GALNTL6: variants seen among roughly 807,000 people sequenced by gnomAD.
GALNTL6 encodes the protein polypeptide N-acetylgalactosaminyltransferase-like 6.
Under a neutral mutation model 73.7 loss-of-function variants are expected in GALNTL6, and 46 were observed. The ratio of observed to expected loss-of-function variants is 0.62; its 90% CI spans 0.49 to 0.80. The LOEUF is 0.80. Among genes scored for constraint, GALNTL6 ranks in the 30% least tolerant of loss-of-function variants. The pLI is 0.00. For missense variants in GALNTL6, 604 were observed against 755.0 expected, an observed-to-expected ratio of 0.80 and a Z score of 2.34; for synonymous variants, 259 against 263.7, an observed-to-expected ratio of 0.98 and a Z score of 0.17.
At chr4:171,968,494 G>C (rs1235859074) in intron 2 of GALNTL6, among the ~76,000 whole-genome samples, 4 of 152,046 alleles carry the variant, frequency 2.6e-5, no homozygotes, top group Admixed American at 2.0e-4. Flanking sequence ...TTCCTGTAAG[G>C]CTACTTCCAT....
At chr4:172,557,562 C>A (rs565889903) in intron 5 of GALNTL6, among the ~76,000 whole-genome samples, 1 of 152,178 alleles carries the variant, frequency 6.6e-6, no homozygotes, top group East Asian at 1.9e-4. Flanking sequence ...GGGCAAAATA[C>A]CTGAATAATG....
intron 2 of GALNTL6, among the ~76,000 whole-genome samples, chr4:172,031,005 T>C (rs28417653): frequency 0.44 from 66,762 of 151,816 alleles, 15,171 homozygotes; most frequent in Admixed American, 0.54. Flanking sequence ...TATGCCCTCT[T>C]CCTACCCCAT....
At chr4:172,524,765 A>C (rs1734897326) in intron 5 of GALNTL6, among the ~76,000 whole-genome samples, 1 of 152,188 alleles carries the variant, frequency 6.6e-6, no homozygotes, top group Non-Finnish European at 1.5e-5. Context: ...GGTGACAACC[A>C]AAAAATAAAG....
intron 9 of GALNTL6, among the ~76,000 whole-genome samples, chr4:172,932,461 C>G (rs1748397924): frequency 6.6e-6 from 1 of 152,056 alleles, no homozygotes; most frequent in Non-Finnish European, 1.5e-5. Context: ...TGAGAGTATT[C>G]ATCAACTGTC....
At chr4:172,286,042 G>A (rs1739234271) in intron 3 of GALNTL6, among the ~76,000 whole-genome samples, 2 of 152,172 alleles carry the variant, frequency 1.3e-5, no homozygotes, top group African/African-American at 4.8e-5. Flanking sequence ...GAAAGCATTG[G>A]AACCTTGGCT....
chr4:172,036,897 G>T (rs1741943844), intron 2 of GALNTL6, among the ~76,000 whole-genome samples: 1 of 152,116 alleles, frequency 6.6e-6, no homozygotes, highest in Admixed American at 6.6e-5. Context: ...AGCACTGAAA[G>T]TTACCCTAGG....
chr4:172,062,444 C>T (rs1238204033), intron 2 of GALNTL6, among the ~76,000 whole-genome samples: 1 of 152,130 alleles, frequency 6.6e-6, no homozygotes, highest in Non-Finnish European at 1.5e-5. Flanking sequence ...TATAAGACTG[C>T]TGTTTCTTAC....
intron 2 of GALNTL6, among the ~76,000 whole-genome samples, chr4:172,095,069 C>T (rs1364104070): frequency 6.7e-5 from 10 of 149,330 alleles, no homozygotes; most frequent in Non-Finnish European, 1.3e-4. Flanking sequence ...GAAATTTTAA[C>T]AATTTGCCTT....
At chr4:172,916,894 CTACTT>C (rs1444652372) in intron 8 of GALNTL6, among the ~76,000 whole-genome samples, 1 of 152,180 alleles carries the variant, frequency 6.6e-6, no homozygotes, top group Non-Finnish European at 1.5e-5. Context: ...TTGGAAAAAA[CTACTT>C]TAAAGTTCAT....
chr4:172,554,041 GA>G (rs1736057146), intron 5 of GALNTL6, among the ~76,000 whole-genome samples: 1 of 152,106 alleles, frequency 6.6e-6, no homozygotes, highest in African/African-American at 2.4e-5. Context: ...GGAAAGAAAA[GA>G]AAACAAAAAG....
chr4:173,021,423 CT>C, intron 11 of GALNTL6, 52 bp from the exon 12 acceptor site: 1 of 1,595,202 alleles, frequency 6.3e-7, no homozygotes, highest in Non-Finnish European at 8.6e-7. Flanking sequence ...GCCCTTGCAT[CT>C]TCTCTCCAAA....
chr4:171,861,353 T>C (rs1735826692), intron 2 of GALNTL6, among the ~76,000 whole-genome samples: 1 of 152,198 alleles, frequency 6.6e-6, no homozygotes, highest in Non-Finnish European at 1.5e-5. Flanking sequence ...AGTTATTCTG[T>C]CAGTGTTGAA....
At chr4:172,191,919 C>G (rs1421430144) in intron 2 of GALNTL6, among the ~76,000 whole-genome samples, 5 of 152,064 alleles carry the variant, frequency 3.3e-5, no homozygotes, top group Admixed American at 6.6e-5. Flanking sequence ...TTCACAAATA[C>G]CTAGCACATA....
chr4:173,018,383 T>G (rs1490674774), intron 11 of GALNTL6, among the ~76,000 whole-genome samples: 1 of 152,208 alleles, frequency 6.6e-6, no homozygotes, highest in Admixed American at 6.5e-5. Context: ...ATAGTTAACA[T>G]ATAATAACAG....
chr4:172,041,678 C>A (rs939381485), intron 2 of GALNTL6, among the ~76,000 whole-genome samples: 1 of 151,982 alleles, frequency 6.6e-6, no homozygotes, highest in Non-Finnish European at 1.5e-5. Flanking sequence ...TTATGGTATG[C>A]CTGGCCCTTT....
chr4:172,627,200 T>A (rs1239286610), intron 5 of GALNTL6, among the ~76,000 whole-genome samples: 2 of 152,154 alleles, frequency 1.3e-5, no homozygotes, highest in African/African-American at 4.8e-5. Flanking sequence ...GTTTTTATCA[T>A]GAAGGGATGT....
chr4:171,980,147 A>C (rs1739854193), intron 2 of GALNTL6, among the ~76,000 whole-genome samples: 1 of 152,218 alleles, frequency 6.6e-6, no homozygotes, highest in Admixed American at 6.5e-5. Flanking sequence ...AGGCATTATT[A>C]AACAGAAGCA....
chr4:172,528,680 A>T (rs1487930276), intron 5 of GALNTL6, among the ~76,000 whole-genome samples: 1 of 151,184 alleles, frequency 6.6e-6, no homozygotes, highest in Non-Finnish European at 1.5e-5. Flanking sequence ...TAAGCAATCA[A>T]CAACTTTTAG....
At position 171,991,779 on chromosome 4, in the gene GALNTL6, T is replaced by A. The variant is rs1201268777; in HGVS notation, c.138+177061T>A. 2.0e-5 allele frequency among the ~76,000 whole-genome samples: 3 copies of A among 148,550 alleles called. No individual in the cohort carries two copies. The Admixed American group carries it at 2.0e-4, about 10-fold the overall frequency. On this transcript the variant is annotated intron_variant, in intron 2 of 12. Transcript: ENST00000506823. ...ATACACATATATATACATATATATA[T>A]GATTATGTATATTACATATTTGAGC...
Sources: gnomAD v4.1 joint callset for allele counts (sites outside exome capture counted in the v4.1 genomes callset) on GRCh38, gnomAD v4.1.1 for gene constraint, MANE v1.5 for transcripts, NCBI Gene and HGNC (gene_info 2026-07-23, HGNC 2026-07-21) for gene names.